The following GSTM2 variants were observed in gnomAD, a reference collection of about 807,000 sequenced individuals.
GSTM2 encodes the protein glutathione S-transferase mu 2, also known as GST class-mu 2.
Under a neutral mutation model 33.3 loss-of-function variants are expected in GSTM2, and 33 were observed. The observed-to-expected ratio is 0.99, with a 90% confidence interval of 0.75 to 1.33. The LOEUF (loss-of-function observed/expected upper bound fraction) is 1.33, where lower values mean the gene tolerates loss of function less well. Ranked by LOEUF, GSTM2 falls within the 40% of genes most tolerant of loss-of-function variation. The pLI is 0.00. For missense variants in GSTM2, 213 were observed against 265.8 expected (o/e 0.80, Z 1.38); for synonymous variants, 93 against 95.6 (o/e 0.97, Z 0.16).
intron 7 of GSTM2, chr1:109,673,436 C>T: frequency 1.5e-6 from 1 of 663,788 alleles, no homozygotes; most frequent in Non-Finnish European, 2.5e-6. Context: ...GGCATTTGTC[C>T]AACAGGCTTC....
chr1:109,673,098 G>A, intron 7 of GSTM2: 5 of 1,386,708 alleles, frequency 3.6e-6, no homozygotes, highest in Admixed American at 1.9e-5. Flanking sequence ...TCAAACTCCT[G>A]ACCTCAGGTG....
At chr1:109,673,309 A>T (rs1364398344) in intron 7 of GSTM2, 5 of 1,584,116 alleles carry the variant, frequency 3.2e-6, no homozygotes, top group South Asian at 1.1e-5. Flanking sequence ...CATAGATGAC[A>T]GCCCCATCCT....
downstream of GSTM2, among the ~76,000 whole-genome samples, chr1:109,677,286 G>A (rs72989280): frequency 0.042 from 6,444 of 152,156 alleles, 450 homozygotes; most frequent in African/African-American, 0.15. Context: ...ATCTACCCAG[G>A]ACCCAGAAAT....
At chr1:109,672,705 A>G (rs183630048) in intron 7 of GSTM2, among the ~76,000 whole-genome samples, 1 of 152,366 alleles carries the variant, frequency 6.6e-6, no homozygotes, top group Admixed American at 6.5e-5. Flanking sequence ...CACAGGCAGT[A>G]TTCACAGCTA....
downstream of GSTM2, among the ~76,000 whole-genome samples, chr1:109,676,394 T>C (rs1256199605): frequency 3.1e-4 from 47 of 152,280 alleles, no homozygotes; most frequent in African/African-American, 9.6e-4. Context: ...CTCTGTCGCC[T>C]AGGCTGGAGT....
At chr1:109,668,625 T>TCACCA in intron 2 of GSTM2, 125 bp downstream of exon 2, 2 of 1,110,798 alleles carry the variant, frequency 1.8e-6, no homozygotes, top group Non-Finnish European at 2.7e-6. Context: ...GTCCCTTCCC[T>TCACCA]GAGCCCTGGT....
At chr1:109,673,475 C>G in intron 7 of GSTM2, 1 of 540,762 alleles carries the variant, frequency 1.8e-6, no homozygotes, top group South Asian at 2.0e-5. Context: ...CCCTTTTCCA[C>G]TCCCCATCAA....
chr1:109,671,255 C>A, intron 5 of GSTM2, 32 bp from the exon 6 acceptor site: 2 of 1,505,840 alleles, frequency 1.3e-6, no homozygotes, highest in Non-Finnish European at 1.8e-6. Flanking sequence ...GAGCTTGTGT[C>A]TGAGGGTGTT....
chr1:109,670,987 CCAGGTGCT>C, intron 5 of GSTM2: 1 of 377,536 alleles, frequency 2.6e-6, no homozygotes, highest in Admixed American at 3.8e-5. Flanking sequence ...CCAGAGCCTA[CCAGGTGCT>C]CAGGTGCTCC....
intron 7 of GSTM2, 24 bp downstream of exon 7, chr1:109,671,607 C>CT (rs1278642340): frequency 5.3e-6 from 6 of 1,130,638 alleles, no homozygotes; most frequent in Non-Finnish European, 8.1e-6. Flanking sequence ...CCTCCTTTCT[C>CT]TTTATGTCTC....
downstream of GSTM2, among the ~76,000 whole-genome samples, chr1:109,678,962 T>G (rs1367160380): frequency 6.6e-6 from 1 of 152,148 alleles, no homozygotes; most frequent in Non-Finnish European, 1.5e-5. Flanking sequence ...TCTTTCCCGT[T>G]TTTGGTGACT....
rs145910843 is a variant in GSTM2, at chr1:109,668,441, G to A, written c.53G>A (p.Arg18His). The A allele has an allele frequency of 6.9e-4, 1,110 of 1,614,056 alleles. 12 individuals carry two copies. In the South Asian group the frequency reaches 0.012, roughly 17 times the overall value. The change falls in exon 2 of 8, where the codon CGC (arginine) becomes CAC (histidine). Residue 18 changes from arginine to histidine, a missense_variant. Transcript: ENST00000241337. ...CTCTCCCAGCTGGCCCATTCCATCC[G>A]CCTGCTCCTGGAATACACAGACTCA... ...WNIRGLAHSI[R>H]LLLEYTDSSY...
intron 5 of GSTM2, 183 bp downstream of exon 5, chr1:109,669,754 G>A (rs1282916876): frequency 1.7e-6 from 1 of 587,542 alleles, no homozygotes; most frequent in Non-Finnish European, 3.0e-6. Context: ...TCCGGAGTTT[G>A]TTCCTTCAGA....
At chr1:109,673,179 CT>C (rs751288895) in intron 7 of GSTM2, 2 of 1,610,454 alleles carry the variant, frequency 1.2e-6, no homozygotes, top group Admixed American at 1.7e-5. Context: ...CTCTTCCTCT[CT>C]TTTTTTCCCT....
chr1:109,669,719 TGTTACA>T, intron 5 of GSTM2, 148 bp downstream of exon 5: 1 of 613,964 alleles, frequency 1.6e-6, no homozygotes, highest in East Asian at 2.8e-5. Flanking sequence ...ACACGGTGAG[TGTTACA>T]GTTCTTAAAG....
rs1180018937 is a variant in GSTM2 at position 109,669,571 on chromosome 1, T to G, written c.360T>G (p.Phe120Leu). Reference sequence around the variant, plus strand: ...CCAAACTCTGCTATGACCCAGATTTTGTAAGTCCCCCCACCCCACTCCCAG... The same window carrying G: ...CCAAACTCTGCTATGACCCAGATTTGGTAAGTCCCCCCACCCCACTCCCAG... ...QLAKLCYDPD[F>L]EKLKPEYLQA... is the part of the protein sequence containing the mutation. Residue 120 changes from phenylalanine (F) to leucine (L), a missense_variant and splice_region_variant, in exon 5 of 8, where the codon TTT (phenylalanine) becomes TTG (leucine). By Grantham distance (22) the Phe-to-Leu change is conservative. Coordinates refer to ENST00000241337, the MANE Select transcript of GSTM2 (RefSeq NM_000848.4). The G allele has an allele frequency of 5.0e-6, 8 of 1,586,796 alleles. No individual in the cohort carries two copies. The highest frequency in any genetic ancestry group is 6.1e-6 in the Non-Finnish European group (7 of 1,156,364).
downstream of GSTM2, among the ~76,000 whole-genome samples, chr1:109,676,125 T>G (rs1301394081): frequency 6.6e-6 from 1 of 152,332 alleles, no homozygotes; most frequent in Non-Finnish European, 1.5e-5. Context: ...ACTGCCCCCA[T>G]GATGGAGTTT....
intron 7 of GSTM2, among the ~76,000 whole-genome samples, chr1:109,672,151 ATG>A (rs1647564083): frequency 6.8e-6 from 1 of 146,810 alleles, no homozygotes; most frequent in African/African-American, 2.5e-5. Flanking sequence ...GTGGTGGCAC[ATG>A]CCTATAATCC....
At chr1:109,676,867 T>G (rs1370224029), downstream of GSTM2, among the ~76,000 whole-genome samples, 1 of 152,202 alleles carries the variant, frequency 6.6e-6, no homozygotes, top group Non-Finnish European at 1.5e-5. Flanking sequence ...AGGAAGATTC[T>G]CATAGCTTAG....
Sources: gnomAD v4.1 joint callset for allele counts (sites outside exome capture counted in the v4.1 genomes callset) on GRCh38, gnomAD v4.1.1 for gene constraint, MANE v1.5 for transcripts, NCBI Gene and HGNC (gene_info 2026-07-23, HGNC 2026-07-21) for gene names.